KCMF1: variants seen among roughly 807,000 people sequenced by gnomAD.
KCMF1 encodes E3 ubiquitin-protein ligase KCMF1.
In KCMF1, 3 loss-of-function variants were observed where a neutral mutation model predicts 41.1. The ratio of observed to expected loss-of-function variants is 0.07; its 90% CI spans 0.03 to 0.19. KCMF1 has a LOEUF of 0.19. KCMF1 is among the 10% of genes least tolerant of loss of function. The probability of loss-of-function intolerance (pLI) is 1.00; values close to 1 mark genes in which losing one functional copy is unlikely to be tolerated. For synonymous variants in KCMF1, 142 were observed against 164.5 expected, an observed-to-expected ratio of 0.86 and a Z score of 1.04; for missense variants, 286 against 488.9, an observed-to-expected ratio of 0.58 and a Z score of 3.91.
chr2:84,988,849 G>T (rs1664557440), intron 1 of KCMF1, among the ~76,000 whole-genome samples: 1 of 152,186 alleles, frequency 6.6e-6, no homozygotes, highest in Admixed American at 6.5e-5. Context: ...AGGCCACATG[G>T]TCTTGATTGC....
chr2:85,019,676 T>G (rs899641768), intron 1 of KCMF1, among the ~76,000 whole-genome samples: 1 of 152,052 alleles, frequency 6.6e-6, no homozygotes, highest in African/African-American at 2.4e-5. Context: ...AAGTGAATCT[T>G]ATGTTGTAAG....
At chr2:85,015,987 T>A (rs1159946642) in intron 1 of KCMF1, among the ~76,000 whole-genome samples, 2 of 152,200 alleles carry the variant, frequency 1.3e-5, no homozygotes, top group East Asian at 1.9e-4. Flanking sequence ...TGGATGCTCC[T>A]TGTTGTTACA....
intron 1 of KCMF1, among the ~76,000 whole-genome samples, chr2:84,975,584 T>G (rs1054078734): frequency 6.6e-6 from 1 of 152,180 alleles, no homozygotes; most frequent in Admixed American, 6.5e-5. Context: ...CAGTGAGAAT[T>G]GTAGGGCCAC....
chr2:85,024,487 A>G (rs558148265), intron 1 of KCMF1, among the ~76,000 whole-genome samples: 7 of 152,126 alleles, frequency 4.6e-5, no homozygotes, highest in African/African-American at 1.4e-4. Context: ...GAATAAAACA[A>G]AAACAAAAGA....
rs150434639 is a variant in KCMF1, at chr2:85,011,853, T to C, written c.17-16036T>C. Among the ~76,000 whole-genome samples, 16 of 152,300 alleles carry C rather than the reference T, an allele frequency of 1.1e-4. No homozygotes were observed. The East Asian group carries it at 2.5e-3, about 24-fold the overall frequency. On this transcript the variant is annotated intron_variant, in intron 1 of 6. Coordinates refer to ENST00000409785, the MANE Select transcript of KCMF1 (RefSeq NM_020122.5). ...GGGCTGTCCTGTGTTTTGTAGGATGTTTAGTAACATTCTTAGCCTCCCTGA... is the reference window on the plus strand; with the variant it reads ...GGGCTGTCCTGTGTTTTGTAGGATGCTTAGTAACATTCTTAGCCTCCCTGA...
intron 1 of KCMF1, among the ~76,000 whole-genome samples, chr2:85,008,323 TA>T (rs1236357521): frequency 8.1e-5 from 9 of 110,670 alleles, no homozygotes; most frequent in African/African-American, 2.8e-4. Flanking sequence ...ATATATATCA[TA>T]TATAATATAT....
At chr2:85,026,856 T>C (rs1675120316) in intron 1 of KCMF1, among the ~76,000 whole-genome samples, 2 of 152,258 alleles carry the variant, frequency 1.3e-5, no homozygotes, top group Admixed American at 6.5e-5. Context: ...CTGATTCTGC[T>C]GCTCCTGCTA....
intron 4 of KCMF1, among the ~76,000 whole-genome samples, chr2:85,045,819 T>C (rs1675653125): frequency 6.6e-6 from 1 of 152,142 alleles, no homozygotes. Flanking sequence ...TATTGTTCCT[T>C]TTTCATTATA....
intron 2 of KCMF1, among the ~76,000 whole-genome samples, chr2:85,028,895 A>C (rs1017357649): frequency 2.6e-5 from 4 of 152,224 alleles, no homozygotes; most frequent in African/African-American, 9.6e-5. Context: ...GAAATAGAAG[A>C]GTGCTTCAGT....
intron 1 of KCMF1, among the ~76,000 whole-genome samples, chr2:85,016,390 T>G (rs1182324350): frequency 6.6e-6 from 1 of 152,082 alleles, no homozygotes. Context: ...TAATAGATCT[T>G]TTTATTCTCT....
intron 1 of KCMF1, among the ~76,000 whole-genome samples, chr2:85,024,547 G>GGA (rs1675037352): frequency 7.1e-6 from 1 of 140,468 alleles, no homozygotes; most frequent in African/African-American, 2.8e-5. Context: ...TTTTTGATTT[G>GGA]GAGAGTGAGA....
chr2:84,983,717 G>A (rs1327299708), intron 1 of KCMF1, among the ~76,000 whole-genome samples: 1 of 152,080 alleles, frequency 6.6e-6, no homozygotes, highest in Non-Finnish European at 1.5e-5. Context: ...CACTGTGTTG[G>A]CCAGGCTGGT....
At position 85,049,451 on chromosome 2, in the gene KCMF1, A is replaced by G. The variant is rs1675753240; in HGVS notation, c.687A>G (p.Gln229=). The change falls in exon 6 of 7, where the codon CAA becomes CAG. Residue 229 remains glutamine (Q), a synonymous_variant. Coordinates refer to ENST00000409785, the MANE Select transcript of KCMF1 (RefSeq NM_020122.5). ...SSGPSASQLQ[Q]LQMQLQLERQ... ...GCCCTTCCGCTTCTCAGTTACAACA[A>G]CTGCAGATGCAGCTGCAGCTAGAAC... is the stretch of plus-strand genomic sequence containing the variant. The G allele has an allele frequency of 1.2e-6, 2 of 1,614,044 alleles. No individual in the cohort carries two copies. The highest frequency in any genetic ancestry group is 1.7e-6 in the Non-Finnish European group (2 of 1,179,892).
intron 1 of KCMF1, among the ~76,000 whole-genome samples, chr2:85,013,412 G>A (rs933916474): frequency 5.3e-5 from 8 of 151,980 alleles, no homozygotes; most frequent in African/African-American, 1.5e-4. Flanking sequence ...AACATTTAGC[G>A]AACAGTATGT....
At position 84,971,365 on chromosome 2, in the gene KCMF1, C is replaced by A; in HGVS notation, c.-87C>A. On this transcript the variant is annotated 5_prime_UTR_variant, in exon 1 of 7. Transcript: ENST00000409785. ...AGCCCGGGAGTCGAGTGGGAGTCGG[C>A]CGGCCGGCGCGGGCAGCGCCGGGAC... 1 of 886,274 alleles carries A rather than the reference C, an allele frequency of 1.1e-6. No homozygotes were observed. The highest frequency in any genetic ancestry group is 1.4e-6 in the Non-Finnish European group (1 of 723,546). 54.9% of individuals were successfully genotyped at this position (886,274 alleles called of 1,614,324 possible).
rs556065499 is a variant in KCMF1 at position 84,992,405 on chromosome 2, G to A, written c.16+20938G>A. ...CAAGTAGCTGGGACTACAGACGCAC[G>A]CCACCACACCCAGCTAATTTTTGTA... On this transcript the variant is annotated intron_variant, in intron 1 of 6. Transcript: ENST00000409785. 2.7e-3 allele frequency among the ~76,000 whole-genome samples: 415 copies of A among 151,428 alleles called. 4 individuals carry two copies. Among genetic ancestry groups the A allele is most frequent in the African/African-American group, 9.7e-3 (401 of 41,268 alleles).
chr2:85,005,217 T>C (rs984494256), intron 1 of KCMF1, among the ~76,000 whole-genome samples: 3 of 151,658 alleles, frequency 2.0e-5, no homozygotes, highest in Non-Finnish European at 2.9e-5. Context: ...TAAATTTTTA[T>C]TTTTAATTGA....
rs975200608 is a variant in KCMF1 at position 85,055,529 on chromosome 2, G to C, written c.*2120G>C. 6.6e-6 allele frequency: 1 copy of C among 152,122 alleles called. No individual in the cohort carries two copies. The highest frequency in any genetic ancestry group is 1.5e-5 in the Non-Finnish European group (1 of 68,034). The allele number at this position is 152,122 out of a possible 1,614,324, so 9.4% of individuals were successfully genotyped here. On this transcript the variant is annotated 3_prime_UTR_variant, in exon 7 of 7. Transcript: ENST00000409785. ...AATTTAGATGATCACTTTTAACACTGCAGAAGACCTAAGGAGTCATAAGAT... is the reference window on the plus strand; with the variant it reads ...AATTTAGATGATCACTTTTAACACTCCAGAAGACCTAAGGAGTCATAAGAT...
At chr2:85,048,416 G>A (rs1290145452) in intron 5 of KCMF1, among the ~76,000 whole-genome samples, 1 of 152,140 alleles carries the variant, frequency 6.6e-6, no homozygotes, top group Non-Finnish European at 1.5e-5. Flanking sequence ...TTATTTTAGT[G>A]ATAGACTGTA....
Sources: gnomAD v4.1 joint callset for allele counts (sites outside exome capture counted in the v4.1 genomes callset) on GRCh38, gnomAD v4.1.1 for gene constraint, MANE v1.5 for transcripts, NCBI Gene and HGNC (gene_info 2026-07-23, HGNC 2026-07-21) for gene names.